Variants in CERS3 observed in about 807,000 individuals in gnomAD.
The protein encoded by CERS3 is ceramide synthase 3.
A neutral mutation model predicts 50.3 loss-of-function variants in CERS3; 33 were observed. The observed-to-expected ratio is 0.66, with a 90% CI of 0.50 to 0.88. CERS3 has a LOEUF of 0.88. Ranked by LOEUF, CERS3 falls within the 40% of genes least tolerant of loss-of-function variation. The pLI, the probability that CERS3 is intolerant of heterozygous loss-of-function variation, is 0.00. For synonymous variants in CERS3, 176 were observed against 155.2 expected (o/e 1.13, Z -0.99); for missense variants, 470 against 460.3 (o/e 1.02, Z -0.19).
At chr15:100,480,441 T>C (rs1461535367) in intron 5 of CERS3, among the ~76,000 whole-genome samples, 1 of 152,188 alleles carries the variant, frequency 6.6e-6, no homozygotes, top group East Asian at 1.9e-4. Flanking sequence ...ATAAGTTTAA[T>C]TATTTCTCTT....
chr15:100,468,826 C>A (rs374691061), intron 10 of CERS3, among the ~76,000 whole-genome samples: 1 of 152,080 alleles, frequency 6.6e-6, no homozygotes, highest in African/African-American at 2.4e-5. Flanking sequence ...CCAATCATAT[C>A]GAAAGGATAC....
chr15:100,452,219 G>A lies in CERS3; in HGVS notation c.999+3674C>T, dbSNP rs192998202. 3.6e-3 allele frequency among the ~76,000 whole-genome samples: 544 copies of A among 152,256 alleles called. 7 individuals carry two copies. Among genetic ancestry groups the A allele is most frequent in the Admixed American group, 0.032 (491 of 15,292 alleles). On this transcript the variant is annotated intron_variant, in intron 11 of 11. Transcript: ENST00000679737. The stretch of plus-strand genomic sequence containing the variant: ...GGACATTCTCCAGGATAGACCATAT[G>A]TTAGGACATAAAACATGTCTCAACA...
At chr15:100,476,060 A>G in intron 8 of CERS3, 26 bp downstream of exon 8, 1 of 1,471,112 alleles carries the variant, frequency 6.8e-7, no homozygotes, top group South Asian at 1.3e-5. Flanking sequence ...AAATTGATAA[A>G]GAAGCTTTGT....
chr15:100,494,211 A>C (rs2035737235), intron 3 of CERS3, among the ~76,000 whole-genome samples: 1 of 4,150 alleles, frequency 2.4e-4, no homozygotes, highest in African/African-American at 6.6e-4. Context: ...TTTTCTTTTC[A>C]TATATATATA....
intron 11 of CERS3, among the ~76,000 whole-genome samples, chr15:100,408,388 G>A (rs1037875274): frequency 6.6e-6 from 1 of 152,126 alleles, no homozygotes; most frequent in African/African-American, 2.4e-5. Flanking sequence ...TCCATTCTTG[G>A]TGGCTCTACA....
At chr15:100,417,331 G>C (rs1426754412) in intron 11 of CERS3, among the ~76,000 whole-genome samples, 1 of 152,102 alleles carries the variant, frequency 6.6e-6, no homozygotes, top group Admixed American at 6.5e-5. Flanking sequence ...GGACGCACCT[G>C]GAAAATCGGG....
Position 100,400,547 on chromosome 15 carries a change from T to C in CERS3, c.*2166A>G, listed in dbSNP as rs986131953. Reference sequence around the variant, plus strand: ...TAAAATTAACCACAAAAGCCCTAAATAGTGTTACAAAAATGAGTATCTACT... The same window carrying C: ...TAAAATTAACCACAAAAGCCCTAAACAGTGTTACAAAAATGAGTATCTACT... On this transcript the variant is annotated 3_prime_UTR_variant, in exon 12 of 12. Transcript: ENST00000679737. The C allele has an allele frequency of 3.3e-5, 5 of 152,136 alleles. No individual in the cohort carries two copies. The highest frequency in any genetic ancestry group is 7.3e-5 in the Non-Finnish European group (5 of 68,036). 9.4% of individuals were successfully genotyped at this position (152,136 alleles called of 1,614,324 possible).
chr15:100,421,087 A>G (rs959589317), intron 11 of CERS3, among the ~76,000 whole-genome samples: 2 of 150,600 alleles, frequency 1.3e-5, no homozygotes, highest in African/African-American at 4.9e-5. Context: ...GGCCAGGGCA[A>G]TTAGGCAGGA....
intron 1 of CERS3, among the ~76,000 whole-genome samples, chr15:100,543,722 G>A (rs961923228): frequency 1.3e-5 from 2 of 152,168 alleles, no homozygotes; most frequent in Middle Eastern, 3.4e-3. Flanking sequence ...TAGAGACGGG[G>A]TTTCACCATG....
chr15:100,453,516 C>G (rs897178610), intron 11 of CERS3, among the ~76,000 whole-genome samples: 1 of 152,092 alleles, frequency 6.6e-6, no homozygotes, highest in Non-Finnish European at 1.5e-5. Flanking sequence ...TAATGAAGGG[C>G]ATATATGACA....
intron 1 of CERS3, among the ~76,000 whole-genome samples, chr15:100,523,178 A>G (rs1218790051): frequency 6.6e-6 from 1 of 152,158 alleles, no homozygotes; most frequent in Non-Finnish European, 1.5e-5. Context: ...GTGGCGGTCT[A>G]TCTTTCAAAA....
intron 2 of CERS3, 36 bp from the exon 3 acceptor site, chr15:100,501,886 CA>C (rs1555532550): frequency 5.6e-6 from 9 of 1,599,970 alleles, no homozygotes; most frequent in Non-Finnish European, 7.7e-6. Flanking sequence ...GCTTGTAAAA[CA>C]AACACGTAAC....
At chr15:100,480,627 T>C (rs1422172463) in intron 5 of CERS3, among the ~76,000 whole-genome samples, 1 of 152,212 alleles carries the variant, frequency 6.6e-6, no homozygotes, top group Non-Finnish European at 1.5e-5. Flanking sequence ...TAGATCCTGA[T>C]TCAAATCAAG....
At chr15:100,417,172 A>C (rs2587839) in intron 11 of CERS3, among the ~76,000 whole-genome samples, 2 of 150,638 alleles carry the variant, frequency 1.3e-5, no homozygotes, top group East Asian at 2.0e-4. Context: ...CTGAGGTACC[A>C]GGTTCATCTC....
intron 10 of CERS3, among the ~76,000 whole-genome samples, chr15:100,457,180 A>G (rs1037711061): frequency 6.6e-6 from 1 of 152,114 alleles, no homozygotes; most frequent in Non-Finnish European, 1.5e-5. Flanking sequence ...TTCCTATACA[A>G]TTTTTTAATT....
At chr15:100,527,518 C>T (rs1057325464) in intron 1 of CERS3, among the ~76,000 whole-genome samples, 3 of 152,130 alleles carry the variant, frequency 2.0e-5, no homozygotes, top group African/African-American at 7.2e-5. Flanking sequence ...TTCAGGAATC[C>T]CTCCACACAA....
intron 11 of CERS3, among the ~76,000 whole-genome samples, chr15:100,417,105 T>C (rs12908991): frequency 0.57 from 86,691 of 151,462 alleles, 25,001 homozygotes; most frequent in Non-Finnish European, 0.6. Flanking sequence ...GGAACAGCTC[T>C]GGTCTACAGC....
intron 11 of CERS3, among the ~76,000 whole-genome samples, chr15:100,417,143 G>T (rs1389218930): frequency 6.6e-6 from 1 of 152,082 alleles, no homozygotes; most frequent in African/African-American, 2.4e-5. Context: ...CAGAAGATGG[G>T]TGATTTCTGC....
rs143324049 is a variant in CERS3, at chr15:100,501,519, G to A, written c.173+158C>T. 9.7e-4 allele frequency among the ~76,000 whole-genome samples: 148 copies of A among 152,294 alleles called. 1 individual carries two copies. Among genetic ancestry groups the A allele is most frequent in the East Asian group, 5.4e-3 (28 of 5,182 alleles). The stretch of plus-strand genomic sequence containing the variant: ...TCAGCCTTTAAATAACATTTGGAGC[G>A]CATCTGATTACATTAACTCATCCCC... On this transcript the variant is annotated intron_variant, in intron 3 of 11. Coordinates refer to ENST00000679737, the MANE Select transcript of CERS3 (RefSeq NM_001378789.1).
Sources: gnomAD v4.1 joint callset for allele counts (sites outside exome capture counted in the v4.1 genomes callset) on GRCh38, gnomAD v4.1.1 for gene constraint, MANE v1.5 for transcripts, NCBI Gene and HGNC (gene_info 2026-07-23, HGNC 2026-07-21) for gene names.